Variants in DENND1A observed in about 807,000 individuals in gnomAD.
DENND1A encodes DENN domain containing 1A.
Under a neutral mutation model 113.7 loss-of-function variants are expected in DENND1A, and 51 were observed. The ratio of observed to expected loss-of-function variants is 0.45; its 90% CI spans 0.36 to 0.57. The LOEUF (loss-of-function observed/expected upper bound fraction) is 0.57. Ranked by LOEUF, DENND1A falls within the 20% of genes least tolerant of loss-of-function variation. The pLI is 0.00. For missense variants in DENND1A, 1,258 were observed against 1,395.9 expected (o/e 0.90, Z 1.57); for synonymous variants, 565 against 570.8 (o/e 0.99, Z 0.14).
At chr9:123,695,568 T>C (rs1389627793) in intron 5 of DENND1A, among the ~76,000 whole-genome samples, 1 of 152,162 alleles carries the variant, frequency 6.6e-6, no homozygotes, top group African/African-American at 2.4e-5. Context: ...TCATAAACCA[T>C]TGACTGACTG....
chr9:123,584,794 C>T (rs948446919), intron 11 of DENND1A, among the ~76,000 whole-genome samples: 1 of 152,098 alleles, frequency 6.6e-6, no homozygotes, highest in Non-Finnish European at 1.5e-5. Context: ...GTCAGACACC[C>T]GCAGGGAGAC....
chr9:123,840,085 A>ATTT, intron 2 of DENND1A, among the ~76,000 whole-genome samples: 1 of 137,468 alleles, frequency 7.3e-6, no homozygotes, highest in African/African-American at 2.6e-5. Context: ...GTTTTTGTCT[A>ATTT]TTTTTTTTTT....
At chr9:123,860,062 G>A (rs1844840534) in intron 2 of DENND1A, among the ~76,000 whole-genome samples, 1 of 152,182 alleles carries the variant, frequency 6.6e-6, no homozygotes, top group African/African-American at 2.4e-5. Flanking sequence ...CAGTTAGGAG[G>A]CCATGGTAAT....
At chr9:123,753,060 C>A (rs1159768217) in intron 5 of DENND1A, among the ~76,000 whole-genome samples, 2 of 152,168 alleles carry the variant, frequency 1.3e-5, no homozygotes, top group African/African-American at 4.8e-5. Flanking sequence ...TTTGGTACGA[C>A]TAGGTTTCTG....
At chr9:123,705,555 A>G (rs1215526054) in intron 5 of DENND1A, among the ~76,000 whole-genome samples, 1 of 152,214 alleles carries the variant, frequency 6.6e-6, no homozygotes, top group Non-Finnish European at 1.5e-5. Context: ...TTAAAAATAT[A>G]TGCCATTTAT....
chr9:123,782,100 A>G (rs975567663), intron 3 of DENND1A, among the ~76,000 whole-genome samples: 6 of 152,122 alleles, frequency 3.9e-5, no homozygotes, highest in African/African-American at 1.2e-4. Flanking sequence ...TAAAAATGTA[A>G]TATTTTAAGG....
intron 1 of DENND1A, among the ~76,000 whole-genome samples, chr9:123,887,477 C>G (rs1452731589): frequency 6.6e-6 from 1 of 151,812 alleles, no homozygotes; most frequent in African/African-American, 2.4e-5. Context: ...ACAGCTGGGC[C>G]TGGGGTGTTG....
rs56390148 is a variant in DENND1A at position 123,495,141 on chromosome 9, TTCTC to T, written c.994-37248_994-37245del. On this transcript the variant is annotated intron_variant, in intron 13 of 23. Transcript: ENST00000394215. ...TCTATTATGACCCATCATTGTCTCT[TTCTC>T]TCTCTCTCTCTCTCTCTCTCTCTCT... 3.8e-4 allele frequency among the ~76,000 whole-genome samples: 53 copies of T among 140,642 alleles called. 1 individual carries two copies. The highest frequency in any genetic ancestry group is 1.8e-3 in the Admixed American group (25 of 14,064). The allele number at this position is 140,642 out of a possible 152,430, so 92.3% of individuals were successfully genotyped here.
At chr9:123,811,659 T>G (rs1477935985) in intron 2 of DENND1A, among the ~76,000 whole-genome samples, 1 of 152,138 alleles carries the variant, frequency 6.6e-6, no homozygotes, top group South Asian at 2.1e-4. Flanking sequence ...CTTGGGAGGC[T>G]GAGGCAGGAG....
At chr9:123,395,563 C>T (rs975828453) in intron 21 of DENND1A, among the ~76,000 whole-genome samples, 3 of 151,754 alleles carry the variant, frequency 2.0e-5, no homozygotes, top group Admixed American at 2.0e-4. Context: ...TGACCTTCTG[C>T]TCATGTGTTT....
At chr9:123,786,758 T>C (rs891256714) in intron 3 of DENND1A, among the ~76,000 whole-genome samples, 1 of 152,190 alleles carries the variant, frequency 6.6e-6, no homozygotes, top group Non-Finnish European at 1.5e-5. Context: ...GACCCTTATA[T>C]AAGTCCTTTG....
At chr9:123,838,566 A>G (rs1427716927) in intron 2 of DENND1A, among the ~76,000 whole-genome samples, 1 of 152,326 alleles carries the variant, frequency 6.6e-6, no homozygotes, top group South Asian at 2.1e-4. Flanking sequence ...AAAAATAGCC[A>G]TATCAAGAAT....
intron 13 of DENND1A, among the ~76,000 whole-genome samples, chr9:123,538,853 T>TACACAC (rs1169453295): frequency 8.5e-5 from 9 of 106,174 alleles, no homozygotes; most frequent in South Asian, 6.0e-4. Context: ...TATATATATA[T>TACACAC]ATATATGAAT....
intron 13 of DENND1A, among the ~76,000 whole-genome samples, chr9:123,466,207 C>T (rs1185334755): frequency 6.6e-6 from 1 of 151,942 alleles, no homozygotes; most frequent in East Asian, 1.9e-4. Context: ...CCATGTTAGC[C>T]AGGATGGTCT....
At chr9:123,486,354 G>A (rs1347684147) in intron 13 of DENND1A, among the ~76,000 whole-genome samples, 4 of 151,986 alleles carry the variant, frequency 2.6e-5, no homozygotes, top group South Asian at 2.1e-4. Flanking sequence ...AGATGCCAGC[G>A]CTGTGGGGCA....
At chr9:123,777,493 A>G (rs1287378945) in intron 3 of DENND1A, among the ~76,000 whole-genome samples, 3 of 152,240 alleles carry the variant, frequency 2.0e-5, no homozygotes, top group Non-Finnish European at 1.5e-5. Context: ...ATACATAAGT[A>G]CAAAATTAAA....
chr9:123,456,799 C>G (rs1246200358), intron 15 of DENND1A: 1 of 152,414 alleles, frequency 6.6e-6, no homozygotes, highest in African/African-American at 2.4e-5. Flanking sequence ...GACAACAGAA[C>G]AAGACTCTGT....
intron 12 of DENND1A, among the ~76,000 whole-genome samples, chr9:123,581,104 C>T (rs988734807): frequency 5.3e-5 from 8 of 150,360 alleles, no homozygotes; most frequent in Non-Finnish European, 1.0e-4. Context: ...GCTCTGCAGA[C>T]CCACGGGGTT....
At chr9:123,923,904 C>A (rs1856681658) in intron 1 of DENND1A, among the ~76,000 whole-genome samples, 1 of 152,064 alleles carries the variant, frequency 6.6e-6, no homozygotes, top group Non-Finnish European at 1.5e-5. Flanking sequence ...ATAGAGTTAC[C>A]AAAAGATCCA....
Sources: allele counts gnomAD v4.1 joint callset (sites outside exome capture counted in the v4.1 genomes callset), GRCh38; gene constraint gnomAD v4.1.1; transcripts MANE v1.5; gene names NCBI Gene and HGNC (gene_info 2026-07-23, HGNC 2026-07-21).